MKNK1: variants seen among roughly 807,000 people sequenced by gnomAD.
MKNK1 encodes the protein MAP kinase-interacting serine/threonine-protein kinase 1.
In MKNK1, 30 loss-of-function variants were observed where a neutral mutation model predicts 49.3. The observed-to-expected ratio is 0.61, with a 90% CI of 0.46 to 0.83. The LOEUF (loss-of-function observed/expected upper bound fraction) is 0.83, where lower values mean the gene tolerates loss of function less well. MKNK1 is among the 40% of genes least tolerant of loss of function. The pLI is 0.00. For missense variants in MKNK1, 423 were observed against 524.7 expected (o/e 0.81, Z 1.89); for synonymous variants, 176 against 201.7 (o/e 0.87, Z 1.08).
At chr1:46,599,622 G>A (rs529174444) in intron 1 of MKNK1, among the ~76,000 whole-genome samples, 3 of 152,140 alleles carry the variant, frequency 2.0e-5, no homozygotes, top group Admixed American at 6.5e-5. Flanking sequence ...TCTAACCTCC[G>A]TCCTGCTGCC....
chr1:46,575,274 C>G, intron 5 of MKNK1: 1 of 404,956 alleles, frequency 2.5e-6, no homozygotes, highest in South Asian at 3.9e-5. Flanking sequence ...AAACCCCAGC[C>G]CTAAAACCCA....
rs1386335574 is a variant in MKNK1, at chr1:46,557,984, T to A, written c.*591A>T. Reference sequence around the variant, plus strand: ...ACATTTCAGTCACAGCAAAGAAAGATTATGTGCTTTTCCGTGCTGCAGACC... The same window carrying A: ...ACATTTCAGTCACAGCAAAGAAAGAATATGTGCTTTTCCGTGCTGCAGACC... On this transcript the variant is annotated 3_prime_UTR_variant, in exon 13 of 13. Coordinates refer to ENST00000371945, the MANE Select transcript of MKNK1 (RefSeq NM_001135553.4). The A allele has an allele frequency of 6.6e-6, 1 of 152,582 alleles. No individual in the cohort carries two copies. The highest frequency in any genetic ancestry group is 1.5e-5 in the Non-Finnish European group (1 of 68,092). The allele number at this position is 152,582 out of a possible 1,614,324, so 9.5% of individuals were successfully genotyped here.
At chr1:46,592,398 A>G (rs780744372) in intron 2 of MKNK1, among the ~76,000 whole-genome samples, 1 of 152,246 alleles carries the variant, frequency 6.6e-6, no homozygotes. Context: ...TACAAAAATC[A>G]TTTTAACTGT....
chr1:46,567,227 G>A (rs1176689918), intron 8 of MKNK1, among the ~76,000 whole-genome samples: 3 of 152,232 alleles, frequency 2.0e-5, no homozygotes, highest in African/African-American at 7.2e-5. Context: ...ATAGGCGTGA[G>A]CCACTGCCTG....
chr1:46,574,913 T>A (rs1670729387), intron 6 of MKNK1, 34 bp downstream of exon 6: 4 of 1,421,482 alleles, frequency 2.8e-6, no homozygotes, highest in Non-Finnish European at 3.9e-6. Context: ...TGGGTCTTAA[T>A]CAGAAGTCCA....
chr1:46,562,911 G>A lies in MKNK1; in HGVS notation c.610-68C>T, dbSNP rs1570027304. ...AGAGAGGCTTAGTTACAGCAGAGGGGATGGCAGAGAGCAGACTGTGATGGG... is the reference window on the plus strand; with the variant it reads ...AGAGAGGCTTAGTTACAGCAGAGGGAATGGCAGAGAGCAGACTGTGATGGG... On this transcript the variant is annotated intron_variant, in intron 9 of 12. Transcript: ENST00000371945. 4.6e-6 allele frequency: 6 copies of A among 1,300,748 alleles called. No homozygotes were observed. In the East Asian group the frequency reaches 1.5e-4, roughly 31 times the overall value. The allele number at this position is 1,300,748 out of a possible 1,614,324, so 80.6% of individuals were successfully genotyped here.
At chr1:46,582,285 C>T (rs1028803096) in intron 3 of MKNK1, among the ~76,000 whole-genome samples, 23 of 152,148 alleles carry the variant, frequency 1.5e-4, no homozygotes, top group African/African-American at 5.3e-4. Flanking sequence ...GGTTCCATCA[C>T]GGTTTGGTCT....
rs760617110 is a variant in MKNK1 at position 46,576,576 on chromosome 1, T to G, written c.277A>C (p.Lys93Gln). The change falls in exon 5 of 13, where the codon AAG (lysine) becomes CAG (glutamine). Residue 93 changes from lysine to glutamine, a missense_variant and splice_region_variant. Physicochemically the swap from Lys to Gln is moderately conservative, Grantham distance 53. Transcript: ENST00000371945. ...CAGCGAGAATCACATGATACTCACT[T>G]GTTTCCCTGACACTGATACAGCGTC... ...VETLYQCQGN[K>Q]NILELIEFFE... 4.3e-6 allele frequency: 7 copies of G among 1,613,386 alleles called. No homozygotes were observed. The highest frequency in any genetic ancestry group is 5.9e-6 in the Non-Finnish European group (7 of 1,179,482).
At chr1:46,601,125 C>G (rs1470688041) in intron 1 of MKNK1, among the ~76,000 whole-genome samples, 1 of 152,176 alleles carries the variant, frequency 6.6e-6, no homozygotes, top group Non-Finnish European at 1.5e-5. Context: ...CCATGTTGGT[C>G]AGGCTGGTCT....
At chr1:46,582,136 G>C (rs886214655) in intron 3 of MKNK1, among the ~76,000 whole-genome samples, 2 of 152,078 alleles carry the variant, frequency 1.3e-5, no homozygotes, top group Non-Finnish European at 2.9e-5. Context: ...TGTTGATTAG[G>C]AAACTATTTG....
chr1:46,561,613 G>A lies in MKNK1; in HGVS notation c.834C>T (p.Gly278=), dbSNP rs202175297. Residue 278 remains glycine, a synonymous_variant, in exon 11 of 13, where the codon GGC becomes GGT. Transcript: ENST00000371945. ...AGTCCTTGTCAGGAAACTCATACTT[G>A]CCTTCCTGGATGCTTTCAAACAGCT... The part of the protein sequence containing the change: ...QNKLFESIQE[G]KYEFPDKDWA... 2.5e-6 allele frequency: 4 copies of A among 1,614,188 alleles called. No individual in the cohort carries two copies. Among genetic ancestry groups the A allele is most frequent in the Middle Eastern group, 1.6e-4 (1 of 6,062 alleles).
intron 2 of MKNK1, among the ~76,000 whole-genome samples, chr1:46,592,042 C>A (rs1673413566): frequency 6.6e-6 from 1 of 152,090 alleles, no homozygotes; most frequent in South Asian, 2.1e-4. Context: ...GAGTTCGAGC[C>A]CAGCCTGGCC....
chr1:46,597,213 C>G (rs1674186033), intron 1 of MKNK1, among the ~76,000 whole-genome samples: 2 of 151,394 alleles, frequency 1.3e-5, no homozygotes, highest in African/African-American at 4.9e-5. Flanking sequence ...ACCCAATTCT[C>G]TCTCAATTGT....
At chr1:46,599,973 C>T (rs533230731) in intron 1 of MKNK1, among the ~76,000 whole-genome samples, 1 of 152,134 alleles carries the variant, frequency 6.6e-6, no homozygotes, top group East Asian at 1.9e-4. Context: ...CTTCTCCTCA[C>T]CAACTCCTCT....
At chr1:46,583,407 A>G (rs75716486) in intron 2 of MKNK1, 78 bp from the exon 3 acceptor site, 1 of 1,112,992 alleles carries the variant, frequency 9.0e-7, no homozygotes, top group Non-Finnish European at 1.3e-6. Flanking sequence ...GAAAAAAAAA[A>G]GGTAGTGGGG....
intron 2 of MKNK1, chr1:46,585,896 C>T: frequency 7.3e-7 from 1 of 1,361,382 alleles, no homozygotes; most frequent in South Asian, 1.1e-5. Flanking sequence ...GCATGGATTT[C>T]AATGAAAGAG....
intron 8 of MKNK1, 28 bp downstream of exon 8, chr1:46,568,415 A>G (rs1386756447): frequency 1.9e-6 from 3 of 1,610,660 alleles, no homozygotes; most frequent in Non-Finnish European, 2.5e-6. Flanking sequence ...AGTATAAACT[A>G]TAACATTCCA....
intron 2 of MKNK1, among the ~76,000 whole-genome samples, chr1:46,591,374 G>C (rs1015622328): frequency 1.3e-5 from 2 of 152,146 alleles, no homozygotes; most frequent in African/African-American, 4.8e-5. Flanking sequence ...ACAGGCCTCA[G>C]ACAGGACTGG....
At chr1:46,597,155 A>C (rs1674174679) in intron 1 of MKNK1, among the ~76,000 whole-genome samples, 1 of 152,068 alleles carries the variant, frequency 6.6e-6, no homozygotes, top group Non-Finnish European at 1.5e-5. Flanking sequence ...ACCTACACAG[A>C]TCCATCGGCC....
Sources: allele counts gnomAD v4.1 joint callset (sites outside exome capture counted in the v4.1 genomes callset), GRCh38; gene constraint gnomAD v4.1.1; transcripts MANE v1.5; gene names NCBI Gene and HGNC (gene_info 2026-07-23, HGNC 2026-07-21).